The following KCTD14 variants were observed in gnomAD, a reference collection of about 807,000 sequenced individuals.
The protein encoded by KCTD14 is potassium channel tetramerization domain containing 14.
In KCTD14, 7 loss-of-function variants were observed where a neutral mutation model predicts 5.9. That is an observed-to-expected ratio of 1.19 (90% CI 0.68 to 2.23). The LOEUF (loss-of-function observed/expected upper bound fraction) is 2.23. Among genes scored for constraint, KCTD14 ranks in the 30% most tolerant of loss-of-function variants. The pLI is 0.00. For synonymous variants in KCTD14, 140 were observed against 133.1 expected (o/e 1.05, Z -0.36); for missense variants, 342 against 332.2 (o/e 1.03, Z -0.23).
chr11:78,040,432 T>A (rs946194579), intron 1 of KCTD14, among the ~76,000 whole-genome samples: 7 of 151,988 alleles, frequency 4.6e-5, no homozygotes, highest in African/African-American at 1.7e-4. Flanking sequence ...CTGCTCCTCT[T>A]TCTCTCTGGC....
At position 78,017,229 on chromosome 11, in the gene KCTD14, G is replaced by T. The variant is rs1857193429; in HGVS notation, c.132C>A (p.His44Gln). The T allele has an allele frequency of 1.2e-6, 2 of 1,609,528 alleles. No homozygotes were observed. The highest frequency in any genetic ancestry group is 2.7e-5 in the African/African-American group (2 of 74,956). ...TCCTCAGGGTACCCAGGGTGGTGGT[G>T]TGGAACTCACCCCCGACGTTCAGCT... ...VVELNVGGEFHTTTLGTLRKF... is the reference protein window; with the variant it reads ...VVELNVGGEFQTTTLGTLRKF... Residue 44 changes from histidine (H) to glutamine (Q), a missense_variant, in exon 2 of 2, where the codon CAC becomes CAA. By Grantham distance (24) the His-to-Gln change is conservative. Transcript: ENST00000353172.
chr11:78,022,297 G>T (rs1313448834), intron 1 of KCTD14, among the ~76,000 whole-genome samples: 1 of 151,982 alleles, frequency 6.6e-6, no homozygotes, highest in Non-Finnish European at 1.5e-5. Flanking sequence ...GGCTCCTAAG[G>T]GAGGGGAATA....
rs998361022 is a variant in KCTD14, at chr11:78,017,278, C to A, written c.91-8G>T. On this transcript the variant is annotated splice_polypyrimidine_tract_variant and splice_region_variant and intron_variant, in intron 1 of 1. Coordinates refer to ENST00000353172, the MANE Select transcript of KCTD14 (RefSeq NM_023930.4). ...CTCCACAACAGTAGACATCTGGGGG[C>A]ACAAGAGGCAGAGTAAACCAACACG... 5 of 1,574,672 alleles carry A rather than the reference C, an allele frequency of 3.2e-6. No individual in the cohort carries two copies. Among genetic ancestry groups the A allele is most frequent in the Non-Finnish European group, 4.3e-6 (5 of 1,155,558 alleles).
At chr11:78,019,364 C>T (rs990998116) in intron 1 of KCTD14, among the ~76,000 whole-genome samples, 2 of 151,970 alleles carry the variant, frequency 1.3e-5, no homozygotes, top group Admixed American at 1.3e-4. Flanking sequence ...GTTGCCCAGA[C>T]TGGGTGTGCA....
In KCTD14 at chr11:78,017,273, G is replaced by T; in HGVS notation, c.91-3C>A. 2 of 1,579,628 alleles carry T rather than the reference G, an allele frequency of 1.3e-6. No homozygotes were observed. Among genetic ancestry groups the T allele is most frequent in the Non-Finnish European group, 1.7e-6 (2 of 1,157,634 alleles). ...TTCAGCTCCACAACAGTAGACATCT[G>T]GGGGCACAAGAGGCAGAGTAAACCA... On this transcript the variant is annotated splice_polypyrimidine_tract_variant and splice_region_variant and intron_variant, in intron 1 of 1. Transcript: ENST00000353172.
chr11:78,037,961 G>A (rs1279424188), intron 2 of KCTD14, among the ~76,000 whole-genome samples: 2 of 149,078 alleles, frequency 1.3e-5, no homozygotes, highest in African/African-American at 5.0e-5. Context: ...ATTCCTCTGT[G>A]TGTAAGTTAC....
At chr11:78,027,971 G>T (rs73507590), upstream of KCTD14, among the ~76,000 whole-genome samples, 345 of 152,198 alleles carry the variant, frequency 2.3e-3, 2 homozygotes, top group Non-Finnish European at 3.7e-3. Flanking sequence ...ATTCCAAAAG[G>T]GGGAAGGGTA....
rs1857898171 is a variant in KCTD14, at chr11:78,038,818, G to A, written c.-95-60C>T. The A allele has an allele frequency of 5.9e-6, 9 of 1,527,808 alleles. 1 individual carries two copies. In the South Asian group the frequency reaches 1.1e-4, roughly 18 times the overall value. The allele number at this position is 1,527,808 out of a possible 1,614,324, so 94.6% of individuals were successfully genotyped here. Reference sequence around the variant, plus strand: ...AGTGTTCACAAAGGACGAGGACCAGGAGTTCAGAGGGCCCAGGCCAGGAGC... The same window carrying A: ...AGTGTTCACAAAGGACGAGGACCAGAAGTTCAGAGGGCCCAGGCCAGGAGC... On this transcript the variant is annotated intron_variant, in intron 1 of 2. Transcript: ENST00000533144.
intron 1 of KCTD14, among the ~76,000 whole-genome samples, chr11:78,043,124 C>G (rs1252305098): frequency 8.5e-5 from 13 of 152,206 alleles, no homozygotes; most frequent in Admixed American, 8.5e-4. Flanking sequence ...GCTGGGATTA[C>G]AGGAGTGAGC....
chr11:78,021,133 T>C (rs761598462), intron 1 of KCTD14, among the ~76,000 whole-genome samples: 11 of 151,624 alleles, frequency 7.3e-5, no homozygotes, highest in Non-Finnish European at 1.6e-4. Context: ...CAAAACCCTA[T>C]CTCTACTAAA....
At chr11:78,018,706 C>CA (rs10718775) in intron 1 of KCTD14, among the ~76,000 whole-genome samples, 12 of 148,506 alleles carry the variant, frequency 8.1e-5, no homozygotes, top group East Asian at 4.0e-4. Context: ...GAGTCCAACT[C>CA]AAAAAAAAAA....
At chr11:78,045,238 G>A (rs1033487838) in intron 1 of KCTD14, among the ~76,000 whole-genome samples, 1 of 152,164 alleles carries the variant, frequency 6.6e-6, no homozygotes, top group African/African-American at 2.4e-5. Flanking sequence ...AAGTAGCTGG[G>A]ACTACCAACA....
intron 2 of KCTD14, among the ~76,000 whole-genome samples, chr11:78,034,301 T>G (rs1857724537): frequency 6.6e-6 from 1 of 152,154 alleles, no homozygotes; most frequent in Admixed American, 6.5e-5. Flanking sequence ...TTTTAAATTT[T>G]TTGTAGAGAC....
Position 78,016,000 on chromosome 11 carries a change from A to G in KCTD14, c.*593T>C, listed in dbSNP as rs1857153347. The G allele has an allele frequency of 6.6e-6, 1 of 152,582 alleles. No homozygotes were observed. Among genetic ancestry groups the G allele is most frequent in the Non-Finnish European group, 1.5e-5 (1 of 68,324 alleles). The allele number at this position is 152,582 out of a possible 1,614,324, so 9.5% of individuals were successfully genotyped here. A position where few individuals can be genotyped will look rare whatever the true frequency, so the allele number is the denominator to read the frequency against. On this transcript the variant is annotated 3_prime_UTR_variant, in exon 2 of 2. Coordinates refer to ENST00000353172, the MANE Select transcript of KCTD14 (RefSeq NM_023930.4). Reference sequence around the variant, plus strand: ...AAATCAGAATGCTGTGCCAACCCCCAGAGATTCTGATTCAGTAGGTCTGAG... The same window carrying G: ...AAATCAGAATGCTGTGCCAACCCCCGGAGATTCTGATTCAGTAGGTCTGAG...
At chr11:78,036,176 C>T (rs1442287927) in intron 2 of KCTD14, among the ~76,000 whole-genome samples, 3 of 152,072 alleles carry the variant, frequency 2.0e-5, no homozygotes, top group Non-Finnish European at 2.9e-5. Flanking sequence ...ACAAAAGAGT[C>T]CCTTTATGAA....
chr11:78,025,085 C>CGT (rs1163862866), upstream of KCTD14, among the ~76,000 whole-genome samples: 1,440 of 89,236 alleles, frequency 0.016, 33 homozygotes, highest in East Asian at 0.032. Context: ...TATATACACA[C>CGT]GTGTGTGTGT....
At chr11:78,025,892 G>A (rs777824841), upstream of KCTD14, among the ~76,000 whole-genome samples, 34 of 152,162 alleles carry the variant, frequency 2.2e-4, no homozygotes, top group South Asian at 1.5e-3. Flanking sequence ...AAAAAGAGAA[G>A]AAACTTTACA....
intron 2 of KCTD14, among the ~76,000 whole-genome samples, chr11:78,033,901 G>GTGTGTACATATATATATATATATATA: frequency 8.7e-6 from 1 of 115,604 alleles, no homozygotes; most frequent in African/African-American, 3.5e-5. Context: ...GTGTGTGTGT[G>GTGTGTACATATATATATATATATATA]TATATATATA....
At position 78,016,958 on chromosome 11, in the gene KCTD14, G is replaced by A. The variant is rs369578791; in HGVS notation, c.403C>T (p.Arg135Trp). 137 of 1,614,192 alleles carry A rather than the reference G, an allele frequency of 8.5e-5. No individual in the cohort carries two copies. Among genetic ancestry groups the A allele is most frequent in the Middle Eastern group, 1.6e-4 (1 of 6,062 alleles). The change falls in exon 2 of 2, where the codon CGG becomes TGG. Residue 135 changes from arginine (R) to tryptophan (W), a missense_variant. Transcript: ENST00000353172. ...MPQIFGEQVS[R>W]KQFLLQVPGY... The stretch of plus-strand genomic sequence containing the variant: ...GGCACTTGCAGCAAAAACTGCTTCC[G>A]AGACACCTGCTCACCAAAGATCTGT...
Sources: allele counts gnomAD v4.1 joint callset (sites outside exome capture counted in the v4.1 genomes callset), GRCh38; gene constraint gnomAD v4.1.1; transcripts MANE v1.5; gene names NCBI Gene and HGNC (gene_info 2026-07-23, HGNC 2026-07-21).